PDE1C: variants seen among roughly 807,000 people sequenced by gnomAD.
PDE1C encodes the protein phosphodiesterase 1C, also known as dual specificity calcium/calmodulin-dependent 3',5'-cyclic nucleotide phosphodiesterase 1C.
PDE1C carries 62 observed loss-of-function variants against 93.1 expected under a neutral mutation model. That is an observed-to-expected ratio of 0.67 (90% CI 0.54 to 0.82). The LOEUF (loss-of-function observed/expected upper bound fraction) is 0.82, where lower values mean the gene tolerates loss of function less well. Ranked by LOEUF, PDE1C falls within the 40% of genes least tolerant of loss-of-function variation. The pLI is 0.00. For synonymous variants in PDE1C, 325 were observed against 310.1 expected (o/e 1.05, Z -0.50); for missense variants, 742 against 884.6 (o/e 0.84, Z 2.04).
At chr7:31,911,503 A>G (rs933703782) in intron 2 of PDE1C, among the ~76,000 whole-genome samples, 1 of 152,144 alleles carries the variant, frequency 6.6e-6, no homozygotes, top group African/African-American at 2.4e-5. Context: ...AGCAAACCTC[A>G]TTCCGTTAGC....
intron 16 of PDE1C, among the ~76,000 whole-genome samples, chr7:31,797,352 C>A (rs1457553078): frequency 6.6e-6 from 1 of 151,706 alleles, no homozygotes; most frequent in East Asian, 1.9e-4. Context: ...CAGTGGGATA[C>A]CTTCCTAGAC....
chr7:31,643,948 T>C, the PDE1C span: 2 of 1,608,092 alleles, frequency 1.2e-6, no homozygotes, highest in Middle Eastern at 1.7e-4. Context: ...GAGGGAGCTA[T>C]GTTCCGTAAG....
chr7:32,398,685 G>A (rs1294367572), intron 1 of PDE1C, among the ~76,000 whole-genome samples: 1 of 152,036 alleles, frequency 6.6e-6, no homozygotes, highest in South Asian at 2.1e-4. Flanking sequence ...CACGGTGCCC[G>A]GCCAGAACTG....
chr7:31,866,189 G>T (rs971757920), intron 6 of PDE1C, among the ~76,000 whole-genome samples: 5 of 151,820 alleles, frequency 3.3e-5, no homozygotes, highest in African/African-American at 1.2e-4. Flanking sequence ...TCTTCCTGAG[G>T]ATTAACAATT....
intron 1 of PDE1C, among the ~76,000 whole-genome samples, chr7:32,406,796 G>A (rs1226496588): frequency 6.6e-6 from 1 of 152,164 alleles, no homozygotes; most frequent in Non-Finnish European, 1.5e-5. Flanking sequence ...GATTGCACAG[G>A]GTTTGGGCCC....
At chr7:31,991,678 T>C (rs1335878058) in intron 2 of PDE1C, among the ~76,000 whole-genome samples, 1 of 152,166 alleles carries the variant, frequency 6.6e-6, no homozygotes. Context: ...ATGGAAAAAA[T>C]GACCTCTGTT....
At chr7:31,707,611 G>A in the PDE1C span, 11 of 245,576 alleles carry the variant, frequency 4.5e-5, no homozygotes, top group African/African-American at 9.0e-5. Context: ...AACAGAGATC[G>A]TGGATTACAT....
the PDE1C span, among the ~76,000 whole-genome samples, chr7:31,679,748 T>A: frequency 6.6e-6 from 1 of 152,222 alleles, no homozygotes; most frequent in African/African-American, 2.4e-5. Flanking sequence ...ATCTGGTAGC[T>A]GGCATCAATT....
intron 17 of PDE1C, among the ~76,000 whole-genome samples, chr7:31,754,093 C>G (rs1321815066): frequency 1.3e-5 from 2 of 152,172 alleles, no homozygotes; most frequent in Non-Finnish European, 2.9e-5. Flanking sequence ...GGCAAAACAT[C>G]TGAACAGACT....
the PDE1C span, among the ~76,000 whole-genome samples, chr7:31,664,283 G>T: frequency 5.9e-5 from 9 of 152,234 alleles, no homozygotes; most frequent in African/African-American, 2.2e-4. Flanking sequence ...GTTGAAAGAT[G>T]TACTTACGCA....
At position 32,410,125 on chromosome 7, in the gene PDE1C, A is replaced by G. The variant is rs1021915348; in HGVS notation, c.310+17697T>C. Among the ~76,000 whole-genome samples, 10 of 152,354 alleles carry G rather than the reference A, an allele frequency of 6.6e-5. 2 individuals carry two copies. The highest frequency in any genetic ancestry group is 1.9e-4 in the East Asian group (1 of 5,194). On this transcript the variant is annotated intron_variant, in intron 1 of 1. Transcript: ENST00000672256. ...CCAAAAAACTACTACAAACAATAGG[A>G]AAGTTCAGTAAGACACAGCAGTACA... is the stretch of plus-strand genomic sequence containing the variant.
chr7:31,986,517 T>C (rs901430419), intron 2 of PDE1C, among the ~76,000 whole-genome samples: 12 of 152,154 alleles, frequency 7.9e-5, no homozygotes, highest in African/African-American at 2.9e-4. Context: ...GATTTTTGCA[T>C]ATATAATTAA....
chr7:31,767,441 T>C (rs2128618247), intron 17 of PDE1C, among the ~76,000 whole-genome samples: 1 of 152,300 alleles, frequency 6.6e-6, no homozygotes, highest in South Asian at 2.1e-4. Flanking sequence ...TCCTGTTTCC[T>C]GCTGCTCTGG....
chr7:32,004,025 G>A (rs1219717447), intron 2 of PDE1C, among the ~76,000 whole-genome samples: 2 of 152,276 alleles, frequency 1.3e-5, no homozygotes, highest in East Asian at 3.9e-4. Context: ...TAACGTGGCT[G>A]CTCTGTACGT....
At chr7:31,847,663 C>T (rs1792803270) in intron 9 of PDE1C, among the ~76,000 whole-genome samples, 1 of 152,070 alleles carries the variant, frequency 6.6e-6, no homozygotes, top group African/African-American at 2.4e-5. Context: ...TTGACTCAAA[C>T]TGGTTTCACT....
intron 1 of PDE1C, among the ~76,000 whole-genome samples, chr7:32,237,165 C>A (rs193052173): frequency 7.4e-5 from 11 of 148,572 alleles, no homozygotes; most frequent in African/African-American, 2.5e-4. Flanking sequence ...CGGCTCACTG[C>A]AAGTTCTACC....
intron 1 of PDE1C, among the ~76,000 whole-genome samples, chr7:32,335,173 A>G (rs148779294): frequency 6.6e-6 from 1 of 152,338 alleles, no homozygotes; most frequent in East Asian, 1.9e-4. Flanking sequence ...AACAGACTAA[A>G]AAATTGACCT....
intron 1 of PDE1C, among the ~76,000 whole-genome samples, chr7:32,228,856 C>G (rs1276733839): frequency 6.6e-6 from 1 of 152,346 alleles, no homozygotes; most frequent in African/African-American, 2.4e-5. Context: ...CTGGGCCTCC[C>G]CACTGCCTCA....
At chr7:32,204,605 C>G (rs1364833141) in intron 2 of PDE1C, among the ~76,000 whole-genome samples, 1 of 152,212 alleles carries the variant, frequency 6.6e-6, no homozygotes, top group African/African-American at 2.4e-5. Flanking sequence ...ACACTGTGGC[C>G]ACGTCTGAAC....
Sources: allele counts gnomAD v4.1 joint callset (sites outside exome capture counted in the v4.1 genomes callset), GRCh38; gene constraint gnomAD v4.1.1; transcripts MANE v1.5; gene names NCBI Gene and HGNC (gene_info 2026-07-23, HGNC 2026-07-21).